The following COL4A2 variants were observed in gnomAD, a reference collection of about 807,000 sequenced individuals.
COL4A2 encodes collagen type IV alpha 2 chain, also known as collagen alpha-2(IV) chain.
COL4A2 carries 99 observed loss-of-function variants against 200.2 expected under a neutral mutation model. That is an observed-to-expected ratio of 0.49 (90% CI 0.42 to 0.58). COL4A2 has a LOEUF of 0.58. COL4A2 is among the 20% of genes least tolerant of loss of function. COL4A2 has a pLI of 0.00. For synonymous variants in COL4A2, 897 were observed against 900.6 expected (o/e 1.00, Z 0.07); for missense variants, 1,950 against 2,314.1 (o/e 0.84, Z 3.23).
intron 3 of COL4A2, among the ~76,000 whole-genome samples, chr13:110,324,485 G>T (rs971571658): frequency 6.6e-6 from 1 of 152,178 alleles, no homozygotes; most frequent in Non-Finnish European, 1.5e-5. Flanking sequence ...AGGTCTCTTC[G>T]CCTGAATGCA....
chr13:110,400,706 C>G (rs1028100361), intron 4 of COL4A2, among the ~76,000 whole-genome samples: 1 of 152,158 alleles, frequency 6.6e-6, no homozygotes, highest in Non-Finnish European at 1.5e-5. Context: ...AATTCCACTT[C>G]AGTAACTAAA....
At chr13:110,385,530 C>CCGTGGCTGCAGTGT (rs1878673572) in intron 4 of COL4A2, among the ~76,000 whole-genome samples, 10 of 18,526 alleles carry the variant, frequency 5.4e-4, no homozygotes, top group Non-Finnish European at 9.9e-4. Context: ...GGTTACAGTG[C>CCGTGGCTGCAGTGT]GTGGATAGGC....
At chr13:110,324,199 A>C (rs1006395106) in intron 3 of COL4A2, among the ~76,000 whole-genome samples, 3 of 152,122 alleles carry the variant, frequency 2.0e-5, no homozygotes, top group African/African-American at 7.2e-5. Flanking sequence ...TCTTCAGGGC[A>C]GGCAGAGGTT....
intron 28 of COL4A2, among the ~76,000 whole-genome samples, chr13:110,471,658 T>G (rs945508029): frequency 6.6e-6 from 1 of 152,192 alleles, no homozygotes; most frequent in Non-Finnish European, 1.5e-5. Flanking sequence ...TAACGTCAGG[T>G]TAATCCAGAT....
chr13:110,315,521 A>G (rs1003679360), intron 3 of COL4A2, among the ~76,000 whole-genome samples: 47 of 152,170 alleles, frequency 3.1e-4, no homozygotes, highest in African/African-American at 1.0e-3. Context: ...TCAGCCTCCC[A>G]AGTAGCTGGG....
chr13:110,369,984 A>C (rs542501908), intron 4 of COL4A2, among the ~76,000 whole-genome samples: 36 of 152,272 alleles, frequency 2.4e-4, no homozygotes, highest in African/African-American at 7.7e-4. Context: ...ACCTCATTCT[A>C]ATCACCTTGT....
At chr13:110,409,378 A>G (rs886923233) in intron 4 of COL4A2, among the ~76,000 whole-genome samples, 6 of 152,018 alleles carry the variant, frequency 3.9e-5, no homozygotes, top group Non-Finnish European at 7.4e-5. Flanking sequence ...GCGCAGACCC[A>G]CCCCGGGTCT....
chr13:110,362,500 T>A (rs936697812), intron 4 of COL4A2, among the ~76,000 whole-genome samples: 4 of 151,904 alleles, frequency 2.6e-5, no homozygotes, highest in African/African-American at 7.3e-5. Flanking sequence ...TTTTTTTTTT[T>A]TGTGGAGATG....
intron 40 of COL4A2, among the ~76,000 whole-genome samples, chr13:110,501,420 AG>A (rs1883635412): frequency 6.6e-6 from 1 of 151,910 alleles, no homozygotes; most frequent in South Asian, 2.1e-4. Context: ...ACAGGATCCC[AG>A]TGGAGGGCTC....
chr13:110,511,235 GAA>G (rs11403645), intron 47 of COL4A2, among the ~76,000 whole-genome samples: 9 of 128,492 alleles, frequency 7.0e-5, no homozygotes, highest in Admixed American at 2.2e-4. Flanking sequence ...ACTTTAAAAT[GAA>G]AAAAAAAAAA....
At chr13:110,505,774 G>A (rs1432105679) in intron 45 of COL4A2, among the ~76,000 whole-genome samples, 1 of 152,138 alleles carries the variant, frequency 6.6e-6, no homozygotes, top group South Asian at 2.1e-4. Context: ...GATGAGCCAT[G>A]TCTCCTGGAA....
chr13:110,467,031 T>C lies in COL4A2; in HGVS notation c.2039-9T>C. On this transcript the variant is annotated splice_polypyrimidine_tract_variant and intron_variant, in intron 26 of 47. Transcript: ENST00000360467. ...GCTTGGGCTCATCTTTTCTCCTTTC[T>C]GTCCCCAGGTTGCATAGGAGGGCCC... is the stretch of plus-strand genomic sequence containing the variant. 6.2e-7 allele frequency: 1 copy of C among 1,613,992 alleles called. No individual in the cohort carries two copies. Among genetic ancestry groups the C allele is most frequent in the Non-Finnish European group, 8.5e-7 (1 of 1,179,968 alleles).
intron 7 of COL4A2, 114 bp from the exon 8 acceptor site, chr13:110,429,771 A>T: frequency 1.0e-6 from 1 of 1,001,698 alleles, no homozygotes; most frequent in Non-Finnish European, 1.5e-6. Context: ...CATAAGAACA[A>T]TTAGACCTTG....
intron 7 of COL4A2, 148 bp from the exon 8 acceptor site, chr13:110,429,737 G>A (rs1395681156): frequency 3.0e-6 from 2 of 655,776 alleles, no homozygotes; most frequent in Non-Finnish European, 2.6e-6. Context: ...TATAGGGTTG[G>A]TGTTCAGAAT....
chr13:110,333,169 C>T (rs561454551), intron 3 of COL4A2, among the ~76,000 whole-genome samples: 15 of 152,360 alleles, frequency 9.8e-5, no homozygotes, highest in African/African-American at 3.4e-4. Flanking sequence ...GTAGTGACCA[C>T]CTGAAGGCCA....
At chr13:110,502,149 G>T (rs371787103) in intron 41 of COL4A2, among the ~76,000 whole-genome samples, 1 of 152,194 alleles carries the variant, frequency 6.6e-6, no homozygotes, top group Admixed American at 6.5e-5. Context: ...AAGAGATGGC[G>T]TAAAGATGAA....
intron 4 of COL4A2, among the ~76,000 whole-genome samples, chr13:110,384,942 A>T (rs9521734): frequency 0.41 from 63,105 of 152,094 alleles, 13,312 homozygotes; most frequent in African/African-American, 0.48. Flanking sequence ...GGAAGAAGTG[A>T]TATTCACAAC....
chr13:110,476,359 A>G (rs1882703098), intron 29 of COL4A2, among the ~76,000 whole-genome samples: 2 of 152,346 alleles, frequency 1.3e-5, no homozygotes, highest in South Asian at 4.1e-4. Context: ...CATTTCTCAC[A>G]GTACTACAGG....
At chr13:110,457,635 C>T (rs1342611795) in intron 21 of COL4A2, 200 bp downstream of exon 21, 3 of 685,948 alleles carry the variant, frequency 4.4e-6, no homozygotes, top group Non-Finnish European at 8.2e-6. Context: ...AGCACTCGGC[C>T]CCCAGGCTCA....
Sources: gnomAD v4.1 joint callset for allele counts (sites outside exome capture counted in the v4.1 genomes callset) on GRCh38, gnomAD v4.1.1 for gene constraint, MANE v1.5 for transcripts, NCBI Gene and HGNC (gene_info 2026-07-23, HGNC 2026-07-21) for gene names.